SETD7: variants seen among roughly 807,000 people sequenced by gnomAD.
SETD7 encodes SET domain containing 7, histone lysine methyltransferase.
A neutral mutation model predicts 41.8 loss-of-function variants in SETD7; 16 were observed. The observed-to-expected ratio is 0.38, with a 90% CI of 0.26 to 0.58. SETD7 has a LOEUF of 0.58. Ranked by LOEUF, SETD7 falls within the 20% of genes least tolerant of loss-of-function variation. SETD7 has a pLI of 0.64. For synonymous variants in SETD7, 163 were observed against 169.7 expected, an observed-to-expected ratio of 0.96 and a Z score of 0.31; for missense variants, 346 against 459.7, an observed-to-expected ratio of 0.75 and a Z score of 2.26.
At position 139,541,125 on chromosome 4, in the gene SETD7, G is replaced by A. The variant is rs183351187; in HGVS notation, c.170+5795C>T. ...TTTAAAATCAAATTGGCATGTGAAG[G>A]AGAGGCATCAACAATATAAACAAAT... On this transcript the variant is annotated intron_variant, in intron 2 of 7. Transcript: ENST00000274031. Among the ~76,000 whole-genome samples, 28 of 152,216 alleles carry A rather than the reference G, an allele frequency of 1.8e-4. No homozygotes were observed. In the East Asian group the frequency reaches 4.8e-3, roughly 26 times the overall value.
At chr4:139,543,010 G>A (rs866217279) in intron 2 of SETD7, among the ~76,000 whole-genome samples, 9 of 152,058 alleles carry the variant, frequency 5.9e-5, no homozygotes, top group Admixed American at 3.9e-4. Context: ...TTTCCTTGTC[G>A]GAACATGGGT....
At chr4:139,503,254 G>C (rs1441802990), downstream of SETD7, among the ~76,000 whole-genome samples, 1 of 150,896 alleles carries the variant, frequency 6.6e-6, no homozygotes, top group East Asian at 2.0e-4. Context: ...CAGTCAAAGA[G>C]ATCAGTTGAT....
chr4:139,551,162 A>G (rs1261724009), intron 1 of SETD7, among the ~76,000 whole-genome samples: 4 of 152,252 alleles, frequency 2.6e-5, no homozygotes, highest in Non-Finnish European at 5.9e-5. Flanking sequence ...TCCAAGTGTT[A>G]TCTAACTTGA....
rs1471499467 is a variant in SETD7 at position 139,510,670 on chromosome 4, G to A, written c.*993C>T. 6.6e-6 allele frequency: 1 copy of A among 152,094 alleles called. No homozygotes were observed. The highest frequency in any genetic ancestry group is 1.5e-5 in the Non-Finnish European group (1 of 68,008). 9.4% of individuals were successfully genotyped at this position (152,094 alleles called of 1,614,324 possible). ...AATTCTGTTAGAATTCAAATTTGCT[G>A]TTTGACTTTTGAATTCAATGCACTG... On this transcript the variant is annotated 3_prime_UTR_variant, in exon 8 of 8. Transcript: ENST00000274031.
At chr4:139,550,882 TG>T (rs1728091873) in intron 1 of SETD7, among the ~76,000 whole-genome samples, 1 of 152,170 alleles carries the variant, frequency 6.6e-6, no homozygotes, top group Admixed American at 6.5e-5. Flanking sequence ...AAGACACCAA[TG>T]CTTTATGAGA....
rs1726693048 is a variant in SETD7 at position 139,506,038 on chromosome 4, T to C, written c.*5625A>G. 1 of 152,692 alleles carries C rather than the reference T, an allele frequency of 6.5e-6. No homozygotes were observed. The highest frequency in any genetic ancestry group is 2.1e-4 in the South Asian group (1 of 4,834). The allele number at this position is 152,692 out of a possible 1,614,324, so 9.5% of individuals were successfully genotyped here. Reference sequence around the variant, plus strand: ...ATGACCAAAGGAAGACAATGACAGATGATTGTATATTTTGTTTAATACTTG... The same window carrying C: ...ATGACCAAAGGAAGACAATGACAGACGATTGTATATTTTGTTTAATACTTG... On this transcript the variant is annotated 3_prime_UTR_variant, in exon 8 of 8. Transcript: ENST00000274031.
chr4:139,536,518 C>T (rs1470924145), intron 2 of SETD7, among the ~76,000 whole-genome samples: 1 of 152,088 alleles, frequency 6.6e-6, no homozygotes, highest in Non-Finnish European at 1.5e-5. Flanking sequence ...TTAAGACTAC[C>T]CTGGCCAACA....
rs537451623 is a variant in SETD7, at chr4:139,510,420, CCTT to C, written c.*1240_*1242del. 1.4e-3 allele frequency: 215 copies of C among 152,312 alleles called. No homozygotes were observed. Among genetic ancestry groups the C allele is most frequent in the African/African-American group, 4.8e-3 (200 of 41,564 alleles). 9.4% of individuals were successfully genotyped at this position (152,312 alleles called of 1,614,324 possible). On this transcript the variant is annotated 3_prime_UTR_variant, in exon 8 of 8. Transcript: ENST00000274031. ...TAAACTAAAAAAACAGGGGTTTTCT[CCTT>C]ATTTCTGCAGTTGTGATTACACATG...
At chr4:139,550,136 TG>T (rs1728070397) in intron 1 of SETD7, among the ~76,000 whole-genome samples, 1 of 152,142 alleles carries the variant, frequency 6.6e-6, no homozygotes, top group African/African-American at 2.4e-5. Flanking sequence ...CCACCCACTT[TG>T]GGTGCTGGGA....
intron 2 of SETD7, among the ~76,000 whole-genome samples, chr4:139,537,267 G>A (rs985573665): frequency 4.6e-5 from 7 of 152,138 alleles, no homozygotes; most frequent in African/African-American, 7.2e-5. Flanking sequence ...GAGCCACCGC[G>A]CCTGGCTGCA....
At chr4:139,541,659 G>T (rs1210335078) in intron 2 of SETD7, among the ~76,000 whole-genome samples, 1 of 152,206 alleles carries the variant, frequency 6.6e-6, no homozygotes, top group Non-Finnish European at 1.5e-5. Context: ...ATAAGGTTAT[G>T]TTCTCATTCA....
intron 4 of SETD7, among the ~76,000 whole-genome samples, chr4:139,527,375 A>C (rs952384767): frequency 1.3e-5 from 2 of 152,116 alleles, no homozygotes; most frequent in Non-Finnish European, 2.9e-5. Context: ...GCAATACAGC[A>C]AGACCCTGTT....
chr4:139,517,180 T>C (rs941117590), intron 7 of SETD7, among the ~76,000 whole-genome samples: 13 of 152,126 alleles, frequency 8.5e-5, no homozygotes, highest in African/African-American at 3.1e-4. Context: ...TTTCACATCA[T>C]AAAAGGGCTC....
At chr4:139,505,211 C>T (rs1480729777), downstream of SETD7, among the ~76,000 whole-genome samples, 1 of 152,170 alleles carries the variant, frequency 6.6e-6, no homozygotes, top group Non-Finnish European at 1.5e-5. Context: ...TCCTAGAATT[C>T]ACTTCTTTGG....
At chr4:139,512,120 G>GT (rs1341775835) in intron 7 of SETD7, among the ~76,000 whole-genome samples, 5 of 152,292 alleles carry the variant, frequency 3.3e-5, no homozygotes, top group Non-Finnish European at 5.9e-5. Context: ...GCACTGCTCT[G>GT]TTTTTTAAAG....
chr4:139,505,082 T>C (rs1011308051), downstream of SETD7, among the ~76,000 whole-genome samples: 1 of 151,978 alleles, frequency 6.6e-6, no homozygotes, highest in Non-Finnish European at 1.5e-5. Flanking sequence ...CTTCCTTCCA[T>C]GGAAGGAAGT....
intron 2 of SETD7, among the ~76,000 whole-genome samples, chr4:139,534,561 G>GT (rs1432215297): frequency 1.6e-3 from 239 of 150,274 alleles, no homozygotes; most frequent in African/African-American, 4.5e-3. Context: ...GTTAATTTTT[G>GT]TTTTTTTTTG....
Position 139,529,015 on chromosome 4 carries a change from A to G in SETD7, c.562+16T>C, listed in dbSNP as rs1727406925. The G allele has an allele frequency of 1.2e-6, 2 of 1,610,872 alleles. No individual in the cohort carries two copies. The highest frequency in any genetic ancestry group is 1.3e-5 in the African/African-American group (1 of 74,750). ...TTTGGAATTGGAGCAACCCATCTGA[A>G]GCAGATTCAACTTACTTCCAGGCAT... On this transcript the variant is annotated intron_variant, in intron 4 of 7. Transcript: ENST00000274031.
intron 7 of SETD7, among the ~76,000 whole-genome samples, chr4:139,515,826 A>G (rs947853974): frequency 6.6e-6 from 1 of 152,176 alleles, no homozygotes; most frequent in African/African-American, 2.4e-5. Context: ...AATGCACATG[A>G]TCTGATTTTG....
Sources: gnomAD v4.1 joint callset for allele counts (sites outside exome capture counted in the v4.1 genomes callset) on GRCh38, gnomAD v4.1.1 for gene constraint, MANE v1.5 for transcripts, NCBI Gene and HGNC (gene_info 2026-07-23, HGNC 2026-07-21) for gene names.